CDH13: variants seen among roughly 807,000 people sequenced by gnomAD.
CDH13 encodes the protein cadherin 13.
In CDH13, 24 loss-of-function variants were observed where a neutral mutation model predicts 63.8. The observed-to-expected ratio is 0.38, with a 90% CI of 0.27 to 0.53. The LOEUF is 0.53. Ranked by LOEUF, CDH13 falls within the 20% of genes least tolerant of loss-of-function variation. CDH13 has a pLI of 0.85. For missense variants in CDH13, 1,049 were observed against 903.1 expected (o/e 1.16, Z -2.07); for synonymous variants, 503 against 355.3 (o/e 1.42, Z -4.67).
At chr16:83,674,344 C>T (rs1172604196) in intron 9 of CDH13, among the ~76,000 whole-genome samples, 1 of 152,224 alleles carries the variant, frequency 6.6e-6, no homozygotes, top group Non-Finnish European at 1.5e-5. Context: ...GGCATCATAT[C>T]TTCCCATGAT....
chr16:83,634,724 A>T (rs1292949335), intron 8 of CDH13, among the ~76,000 whole-genome samples: 1 of 152,146 alleles, frequency 6.6e-6, no homozygotes, highest in Non-Finnish European at 1.5e-5. Context: ...TTCACTAAGC[A>T]TGATGCCCCT....
intron 5 of CDH13, among the ~76,000 whole-genome samples, chr16:83,299,907 T>C (rs1182362078): frequency 6.6e-6 from 1 of 152,238 alleles, no homozygotes; most frequent in African/African-American, 2.4e-5. Context: ...ATCACGATGC[T>C]GACCAGGGCT....
chr16:83,163,119 G>C (rs1478595780), intron 4 of CDH13, among the ~76,000 whole-genome samples: 1 of 152,138 alleles, frequency 6.6e-6, no homozygotes, highest in Non-Finnish European at 1.5e-5. Flanking sequence ...CCCTGCACAA[G>C]TTCTCTTCTC....
intron 3 of CDH13, among the ~76,000 whole-genome samples, chr16:83,074,012 C>G (rs1239050151): frequency 2.0e-5 from 3 of 152,174 alleles, no homozygotes; most frequent in East Asian, 1.9e-4. Flanking sequence ...GTCCTCCCCT[C>G]TAGCTATTTT....
chr16:83,136,599 G>A (rs1466501762), intron 4 of CDH13, among the ~76,000 whole-genome samples: 1 of 152,150 alleles, frequency 6.6e-6, no homozygotes, highest in Non-Finnish European at 1.5e-5. Context: ...CATTCCACAG[G>A]GAGGTCTGCC....
At chr16:83,015,610 G>T (rs1054191972) in intron 2 of CDH13, among the ~76,000 whole-genome samples, 6 of 138,494 alleles carry the variant, frequency 4.3e-5, no homozygotes, top group African/African-American at 1.6e-4. Context: ...ATTCATTATC[G>T]TAAATATCAC....
In CDH13 at chr16:82,644,255, C is replaced by T. The variant is rs929557014; in HGVS notation, c.45+17118C>T. Among the ~76,000 whole-genome samples, 1 of 152,104 alleles carries T rather than the reference C, an allele frequency of 6.6e-6. No individual in the cohort carries two copies. Among genetic ancestry groups the T allele is most frequent in the African/African-American group, 2.4e-5 (1 of 41,404 alleles). ...TGAGAAGTCAATCTAAGGTCTAAGG[C>T]TGGGAAAGGAGCTCCCACTTCTTAC... On this transcript the variant is annotated intron_variant, in intron 1 of 13. Transcript: ENST00000567109. This position sits in a 1 kb window ranked among gnomAD's most constrained non-coding sequence, Gnocchi z 5.7.
chr16:83,380,457 C>T (rs1046088787), intron 6 of CDH13, among the ~76,000 whole-genome samples: 14 of 152,218 alleles, frequency 9.2e-5, no homozygotes, highest in East Asian at 1.9e-4. Flanking sequence ...GACAGATACA[C>T]GTGAAACCTT....
Position 82,724,666 on chromosome 16 carries a change from G to C in CDH13, c.45+97529G>C, listed in dbSNP as rs911844821. Among the ~76,000 whole-genome samples the C allele has an allele frequency of 2.0e-5, 3 of 152,212 alleles. No individual in the cohort carries two copies. The South Asian group carries it at 6.2e-4, about 32-fold the overall frequency. On this transcript the variant is annotated intron_variant, in intron 1 of 13. Coordinates refer to ENST00000567109, the MANE Select transcript of CDH13 (RefSeq NM_001257.5). ...CATGTGTGAAGATGGATAGTCAAAA[G>C]AGACTGTCATGTAAACAAGTAATGC...
At chr16:83,045,887 T>C (rs905849047) in intron 3 of CDH13, among the ~76,000 whole-genome samples, 1 of 152,214 alleles carries the variant, frequency 6.6e-6, no homozygotes, top group African/African-American at 2.4e-5. Context: ...GAAGCCTGAA[T>C]GTTTGTAGAA....
At chr16:82,839,705 A>G (rs1255729380) in intron 1 of CDH13, among the ~76,000 whole-genome samples, 3 of 152,188 alleles carry the variant, frequency 2.0e-5, no homozygotes, top group Admixed American at 6.5e-5. Context: ...TTGCCCTTGG[A>G]ACAAAGTCTG....
chr16:82,849,761 A>G (rs569996985), intron 1 of CDH13, among the ~76,000 whole-genome samples: 2 of 152,328 alleles, frequency 1.3e-5, no homozygotes, highest in South Asian at 4.1e-4. Flanking sequence ...GTTGAAGCCA[A>G]TGCTTATTCA....
intron 2 of CDH13, among the ~76,000 whole-genome samples, chr16:82,955,116 G>T (rs1337757764): frequency 3.3e-5 from 5 of 152,108 alleles, no homozygotes; most frequent in Non-Finnish European, 5.9e-5. Context: ...CTTTGGTGTG[G>T]ATATGCACCT....
At chr16:83,482,311 T>C (rs1439187311) in intron 6 of CDH13, among the ~76,000 whole-genome samples, 2 of 152,216 alleles carry the variant, frequency 1.3e-5, no homozygotes, top group African/African-American at 2.4e-5. Flanking sequence ...AGCTCACATC[T>C]AGGACCATGT....
intron 5 of CDH13, among the ~76,000 whole-genome samples, chr16:83,250,603 C>G (rs952373547): frequency 1.3e-5 from 2 of 152,086 alleles, no homozygotes; most frequent in African/African-American, 4.8e-5. Context: ...AGTTTGGAGA[C>G]TCCAGCAACC....
intron 6 of CDH13, among the ~76,000 whole-genome samples, chr16:83,453,382 A>G (rs2072934599): frequency 6.6e-6 from 1 of 152,264 alleles, no homozygotes; most frequent in Admixed American, 6.5e-5. Flanking sequence ...AAAATTAAAA[A>G]TAAAATGAAA....
rs147881809 is a variant in CDH13, at chr16:83,306,412, C to G, written c.637-38450C>G. On this transcript the variant is annotated intron_variant, in intron 5 of 13. Coordinates refer to ENST00000567109, the MANE Select transcript of CDH13 (RefSeq NM_001257.5). The stretch of plus-strand genomic sequence containing the variant: ...GAGTGAGTTCTTGCTTTTGAGAGCC[C>G]AGATTCATTCTTGTGGGGATGGATT... 5.3e-3 allele frequency among the ~76,000 whole-genome samples: 801 copies of G among 152,136 alleles called. 12 individuals are homozygous for G. The highest frequency in any genetic ancestry group is 0.019 in the African/African-American group (769 of 41,486).
At chr16:83,161,493 C>G (rs1371856603) in intron 4 of CDH13, among the ~76,000 whole-genome samples, 1 of 152,056 alleles carries the variant, frequency 6.6e-6, no homozygotes, top group East Asian at 1.9e-4. Flanking sequence ...ATGCCTATTA[C>G]TATTATATTT....
At chr16:83,177,031 C>G (rs769307478) in intron 4 of CDH13, among the ~76,000 whole-genome samples, 23 of 152,288 alleles carry the variant, frequency 1.5e-4, no homozygotes, top group Non-Finnish European at 3.1e-4. Flanking sequence ...TGGAAATGTT[C>G]TCTATCTGCA....
Sources: gnomAD v4.1 joint callset for allele counts (sites outside exome capture counted in the v4.1 genomes callset) on GRCh38, gnomAD v4.1.1 for gene constraint, Gnocchi (gnomAD v3.1) non-coding constraint, MANE v1.5 for transcripts, NCBI Gene and HGNC (gene_info 2026-07-23, HGNC 2026-07-21) for gene names.